Variants in EPHX2 observed in about 807,000 individuals in gnomAD.
EPHX2 encodes the protein epoxide hydrolase 2.
EPHX2 carries 74 observed loss-of-function variants against 78.7 expected under a neutral mutation model. The ratio of observed to expected loss-of-function variants is 0.94; its 90% CI spans 0.78 to 1.14. The LOEUF (loss-of-function observed/expected upper bound fraction) is 1.14. Ranked by LOEUF, EPHX2 falls within the 50% of genes most tolerant of loss-of-function variation. The pLI is 0.00. For synonymous variants in EPHX2, 251 were observed against 255.2 expected, an observed-to-expected ratio of 0.98 and a Z score of 0.16; for missense variants, 715 against 702.5, an observed-to-expected ratio of 1.02 and a Z score of -0.20.
chr8:27,544,610 C>A lies in EPHX2; in HGVS notation c.*88C>A. On this transcript the variant is annotated 3_prime_UTR_variant, in exon 19 of 19. Coordinates refer to ENST00000521400, the MANE Select transcript of EPHX2 (RefSeq NM_001979.6). ...TAGTATACAGAGGTGGCCTTACACA[C>A]ATCTTGCATGGATGGCAGCATTGTT... The A allele has an allele frequency of 7.5e-7, 1 of 1,331,012 alleles. No homozygotes were observed. The highest frequency in any genetic ancestry group is 1.1e-6 in the Non-Finnish European group (1 of 926,550). The allele number at this position is 1,331,012 out of a possible 1,614,324, so 82.5% of individuals were successfully genotyped here.
chr8:27,501,387 C>CTTTCTTCTTTCTTCT (rs765658239), intron 2 of EPHX2, among the ~76,000 whole-genome samples: 5 of 67,552 alleles, frequency 7.4e-5, no homozygotes, highest in African/African-American at 3.7e-4. Context: ...TCTTCTTCTT[C>CTTTCTTCTTTCTTCT]TTCTTCTTTC....
At chr8:27,522,584 T>A in intron 11 of EPHX2, 76 bp downstream of exon 11, 1 of 1,481,650 alleles carries the variant, frequency 6.7e-7, no homozygotes, top group Non-Finnish European at 9.3e-7. Flanking sequence ...CTCAGATCTT[T>A]AAGCCCAGAA....
intron 12 of EPHX2, among the ~76,000 whole-genome samples, chr8:27,531,058 C>A (rs967723473): frequency 2.0e-5 from 3 of 152,186 alleles, no homozygotes; most frequent in African/African-American, 7.2e-5. Flanking sequence ...CCACCACGCC[C>A]GGCTGTTACT....
At chr8:27,522,037 A>G (rs778748056) in intron 10 of EPHX2, among the ~76,000 whole-genome samples, 1 of 152,236 alleles carries the variant, frequency 6.6e-6, no homozygotes, top group Non-Finnish European at 1.5e-5. Context: ...AGAGCTTCCA[A>G]AAAAGTGGGG....
In EPHX2 at chr8:27,515,801, T is replaced by A. The variant is rs1246600574; in HGVS notation, c.819T>A (p.Ser273=). 7 of 1,613,994 alleles carry A rather than the reference T, an allele frequency of 4.3e-6. No individual in the cohort carries two copies. Among genetic ancestry groups the A allele is most frequent in the Non-Finnish European group, 5.9e-6 (7 of 1,179,982 alleles). ...ATGGATTTCCCGAGAGTTGGTATTC[T>A]TGGAGGTACCAGGTGAGAAAGCTGG... ...LCHGFPESWY[S]WRYQIPALAQ... The change falls in exon 7 of 19, where the codon TCT becomes TCA. Residue 273 remains serine (S), a synonymous_variant. Transcript: ENST00000521400.
intron 4 of EPHX2, 100 bp from the exon 5 acceptor site, chr8:27,506,772 T>C (rs2132726001): frequency 4.7e-6 from 7 of 1,490,696 alleles, no homozygotes; most frequent in East Asian, 2.3e-5. Context: ...TAGATGGTTA[T>C]AAAAGAAAAA....
At position 27,540,661 on chromosome 8, in the gene EPHX2, A is replaced by T; in HGVS notation, c.1379+5A>T. 1 of 1,612,998 alleles carries T rather than the reference A, an allele frequency of 6.2e-7. No individual in the cohort carries two copies. Among genetic ancestry groups the T allele is most frequent in the African/African-American group, 1.3e-5 (1 of 75,030 alleles). Reference sequence around the variant, plus strand: ...GTTCAAGAAGTCTGGTTTCAGGTAAAGAGAGCACAGGGCCCAGACACAGAT... The same window carrying T: ...GTTCAAGAAGTCTGGTTTCAGGTAATGAGAGCACAGGGCCCAGACACAGAT... On this transcript the variant is annotated splice_donor_5th_base_variant and intron_variant, in intron 15 of 18. Coordinates refer to ENST00000521400, the MANE Select transcript of EPHX2 (RefSeq NM_001979.6).
intron 12 of EPHX2, among the ~76,000 whole-genome samples, chr8:27,535,051 T>A (rs1437097579): frequency 3.3e-5 from 5 of 152,204 alleles, no homozygotes; most frequent in Admixed American, 2.0e-4. Flanking sequence ...GATGTTTGGG[T>A]GCGTGCAGGT....
In EPHX2 at chr8:27,511,924, G is replaced by T. The variant is rs771143408; in HGVS notation, c.735+14G>T. ...GTGACAGTAAAGGTGAGTCAGTTTTGTCTCTCAGTCGGCTAAGTGCTCTCC... is the reference window on the plus strand; with the variant it reads ...GTGACAGTAAAGGTGAGTCAGTTTTTTCTCTCAGTCGGCTAAGTGCTCTCC... On this transcript the variant is annotated intron_variant, in intron 6 of 18. Transcript: ENST00000521400. The T allele has an allele frequency of 1.2e-6, 2 of 1,613,710 alleles. No homozygotes were observed. The highest frequency in any genetic ancestry group is 1.7e-5 in the Admixed American group (1 of 59,994).
rs1585228721 is a variant in EPHX2, at chr8:27,544,482, A to G, written c.1628A>G (p.Asp543Gly). The G allele has an allele frequency of 6.2e-7, 1 of 1,613,832 alleles. No homozygotes were observed. The highest frequency in any genetic ancestry group is 8.5e-7 in the Non-Finnish European group (1 of 1,180,030). The change falls in exon 19 of 19, where the codon GAT becomes GGT. Residue 543 changes from aspartate (D) to glycine (G), a missense_variant. By Grantham distance (94) the Asp-to-Gly change is moderately conservative. Transcript: ENST00000521400. ...EVNQILIKWL[D>G]SDARNPPVVS... The stretch of plus-strand genomic sequence containing the variant: ...AATCAGATCCTCATTAAGTGGCTGG[A>G]TTCTGATGCCCGGAACCCACCGGTG...
At chr8:27,511,946 C>A in intron 6 of EPHX2, 36 bp downstream of exon 6, 1 of 1,604,440 alleles carries the variant, frequency 6.2e-7, no homozygotes, top group South Asian at 1.1e-5. Context: ...GCTAAGTGCT[C>A]TCCCACCAGG....
At chr8:27,509,394 C>T (rs562270323) in intron 5 of EPHX2, among the ~76,000 whole-genome samples, 21 of 152,128 alleles carry the variant, frequency 1.4e-4, no homozygotes, top group Non-Finnish European at 2.6e-4. Context: ...TGTATACCTA[C>T]GAGTGGAATT....
At chr8:27,496,173 G>A (rs1813565269) in intron 1 of EPHX2, among the ~76,000 whole-genome samples, 1 of 152,152 alleles carries the variant, frequency 6.6e-6, no homozygotes, top group Non-Finnish European at 1.5e-5. Flanking sequence ...GGCAGAGCTG[G>A]GCCTTCAGTT....
intron 1 of EPHX2, among the ~76,000 whole-genome samples, chr8:27,492,204 AAT>A: frequency 6.6e-6 from 1 of 152,190 alleles, no homozygotes; most frequent in East Asian, 1.9e-4. Flanking sequence ...CTTTGCTTTT[AAT>A]ATAGTAAGGA....
At chr8:27,521,400 G>A (rs28538546) in intron 10 of EPHX2, among the ~76,000 whole-genome samples, 5,701 of 152,170 alleles carry the variant, frequency 0.037, 338 homozygotes, top group African/African-American at 0.13. Flanking sequence ...GTATAACAGC[G>A]TCCCCTTCCC....
intron 13 of EPHX2, among the ~76,000 whole-genome samples, chr8:27,537,083 A>G (rs909385279): frequency 1.3e-5 from 2 of 152,192 alleles, no homozygotes; most frequent in African/African-American, 2.4e-5. Flanking sequence ...TGCTATTACC[A>G]TTACCATTTT....
At position 27,544,782 on chromosome 8, in the gene EPHX2, G is replaced by A. The variant is rs778573660; in HGVS notation, c.*260G>A. On this transcript the variant is annotated 3_prime_UTR_variant, in exon 19 of 19. Coordinates refer to ENST00000521400, the MANE Select transcript of EPHX2 (RefSeq NM_001979.6). ...TATCTGTAAGAACCCTTAGTGTCCTGTAGGGGGACAGAATGGGGTGGCCAG... is the reference window on the plus strand; with the variant it reads ...TATCTGTAAGAACCCTTAGTGTCCTATAGGGGGACAGAATGGGGTGGCCAG... The A allele has an allele frequency of 7.6e-5, 37 of 487,728 alleles. No homozygotes were observed. Among genetic ancestry groups the A allele is most frequent in the Non-Finnish European group, 1.3e-4 (35 of 274,642 alleles). 30.2% of individuals were successfully genotyped at this position (487,728 alleles called of 1,614,324 possible).
At position 27,541,498 on chromosome 8, in the gene EPHX2, A is replaced by G. The variant is rs763865824; in HGVS notation, c.1405A>G (p.Met469Val). The G allele has an allele frequency of 2.5e-6, 4 of 1,614,076 alleles. No individual in the cohort carries two copies. Among genetic ancestry groups the G allele is most frequent in the Non-Finnish European group, 3.4e-6 (4 of 1,180,032 alleles). Reference sequence around the variant, plus strand: ...AGGTCCTCTAAACTGGTACCGAAACATGGAAAGGAACTGGAAGTGGGCTTG... The same window carrying G: ...AGGTCCTCTAAACTGGTACCGAAACGTGGAAAGGAACTGGAAGTGGGCTTG... Reference protein sequence around the residue: ...FRGPLNWYRNMERNWKWACKS... With the variant: ...FRGPLNWYRNVERNWKWACKS... Residue 469 changes from methionine (M) to valine (V), a missense_variant, in exon 16 of 19, where the codon ATG (methionine) becomes GTG (valine). Physicochemically the swap from Met to Val is conservative, Grantham distance 21 (BLOSUM62 1). Coordinates refer to ENST00000521400, the MANE Select transcript of EPHX2 (RefSeq NM_001979.6).
chr8:27,514,905 T>A (rs906446140), intron 6 of EPHX2, among the ~76,000 whole-genome samples: 1 of 152,162 alleles, frequency 6.6e-6, no homozygotes, highest in Admixed American at 6.5e-5. Context: ...GCCACACCCG[T>A]AGCCCCCAAA....
Sources: gnomAD v4.1 joint callset for allele counts (sites outside exome capture counted in the v4.1 genomes callset) on GRCh38, gnomAD v4.1.1 for gene constraint, MANE v1.5 for transcripts, NCBI Gene and HGNC (gene_info 2026-07-23, HGNC 2026-07-21) for gene names.